Variants in PBX1 observed in about 807,000 individuals in gnomAD.
PBX1 encodes pre-B-cell leukemia transcription factor 1.
A neutral mutation model predicts 53.4 loss-of-function variants in PBX1; 6 were observed. That is an observed-to-expected ratio of 0.11 (90% confidence interval 0.06 to 0.22). The LOEUF (loss-of-function observed/expected upper bound fraction) is 0.22. Ranked by LOEUF, PBX1 falls within the 10% of genes least tolerant of loss-of-function variation. PBX1 has a pLI of 1.00. For synonymous variants in PBX1, 204 were observed against 212.3 expected (o/e 0.96, Z 0.34); for missense variants, 251 against 551.4 (o/e 0.46, Z 5.46).
intron 3 of PBX1, among the ~76,000 whole-genome samples, chr1:164,796,875 A>C (rs1668812653): frequency 6.6e-6 from 1 of 152,236 alleles, no homozygotes; most frequent in African/African-American, 2.4e-5. Context: ...TGTAACCCCA[A>C]GTATTCACAT....
downstream of PBX1, chr1:164,854,437 G>A (rs927765680): frequency 1.3e-5 from 2 of 152,116 alleles, no homozygotes; most frequent in African/African-American, 2.4e-5. Context: ...ATCCATTGTG[G>A]AGAAAGGCAC....
intron 8 of PBX1, among the ~76,000 whole-genome samples, chr1:164,823,793 T>C (rs935578623): frequency 6.6e-6 from 1 of 152,180 alleles, no homozygotes; most frequent in Non-Finnish European, 1.5e-5. Context: ...AATTTTTTTT[T>C]CCATGAACTG....
chr1:164,709,876 G>A (rs2102070039), intron 2 of PBX1, among the ~76,000 whole-genome samples: 1 of 152,278 alleles, frequency 6.6e-6, no homozygotes, highest in South Asian at 2.1e-4. Flanking sequence ...CCGGAGTGCT[G>A]TCTGCATCCA....
intron 2 of PBX1, among the ~76,000 whole-genome samples, chr1:164,883,421 C>T (rs1672707727): frequency 6.6e-6 from 1 of 152,112 alleles, no homozygotes; most frequent in East Asian, 1.9e-4. Flanking sequence ...TTATATCTTC[C>T]TTACACAAAA....
At chr1:164,688,851 G>T (rs184616128) in intron 2 of PBX1, among the ~76,000 whole-genome samples, 1 of 152,346 alleles carries the variant, frequency 6.6e-6, no homozygotes, top group East Asian at 1.9e-4. Flanking sequence ...CATGGAAACT[G>T]CTGTAATGCA....
chr1:164,647,960 G>A (rs976295339), intron 2 of PBX1, among the ~76,000 whole-genome samples: 4 of 152,142 alleles, frequency 2.6e-5, no homozygotes, highest in East Asian at 3.9e-4. Flanking sequence ...GACTACGGGC[G>A]CCCACCACTA....
chr1:164,576,396 G>A (rs2101726885), intron 2 of PBX1, among the ~76,000 whole-genome samples: 1 of 152,286 alleles, frequency 6.6e-6, no homozygotes, highest in South Asian at 2.1e-4. Flanking sequence ...TGCCCGGTCC[G>A]CCGGCGCGGC....
At chr1:164,748,528 G>A (rs924597001) in intron 2 of PBX1, among the ~76,000 whole-genome samples, 17 of 152,224 alleles carry the variant, frequency 1.1e-4, no homozygotes, top group African/African-American at 4.1e-4. Flanking sequence ...TAAATAATAC[G>A]TCATTAAAAG....
chr1:164,838,603 A>G (rs577053489), intron 8 of PBX1, among the ~76,000 whole-genome samples: 3 of 152,292 alleles, frequency 2.0e-5, no homozygotes, highest in South Asian at 4.1e-4. Flanking sequence ...GTCTTTTGAA[A>G]ATTGAAATGT....
At chr1:164,633,203 G>A (rs1658522594) in intron 2 of PBX1, among the ~76,000 whole-genome samples, 1 of 150,852 alleles carries the variant, frequency 6.6e-6, no homozygotes, top group African/African-American at 2.4e-5. Context: ...AAGCTGGAGT[G>A]CAGTGGCACA....
intron 2 of PBX1, among the ~76,000 whole-genome samples, chr1:164,707,676 A>G (rs1238954901): frequency 6.6e-6 from 1 of 152,136 alleles, no homozygotes; most frequent in Non-Finnish European, 1.5e-5. Context: ...AGGGAAAAGA[A>G]AAGGAAAGGA....
intron 2 of PBX1, among the ~76,000 whole-genome samples, chr1:164,575,617 A>C (rs926293171): frequency 6.7e-6 from 1 of 150,072 alleles, no homozygotes; most frequent in African/African-American, 2.5e-5. Context: ...ATCCCTAACA[A>C]AGAAAGACTC....
rs535605235 is a variant in PBX1 at position 164,876,454 on chromosome 1, G to C, written n.258-22734G>C. On this transcript the variant is annotated intron_variant and non_coding_transcript_variant, in intron 2 of 2. Transcript: ENST00000558796. ...CCAGCTTGAAGAGGGTAGTAAAAAG[G>C]CTCCCATGCAGGGATATTGAAAGGA... Among the ~76,000 whole-genome samples, 5 of 151,712 alleles carry C rather than the reference G, an allele frequency of 3.3e-5. No individual in the cohort carries two copies. In the South Asian group the frequency reaches 8.4e-4, roughly 26 times the overall value.
At chr1:164,744,929 T>C (rs986480318) in intron 2 of PBX1, among the ~76,000 whole-genome samples, 3 of 152,122 alleles carry the variant, frequency 2.0e-5, no homozygotes, top group African/African-American at 4.8e-5. Flanking sequence ...TCTTGGTTGA[T>C]TGCCCGTCAC....
intron 2 of PBX1, among the ~76,000 whole-genome samples, chr1:164,571,871 TTGTATA>T (rs1313274450): frequency 1.7e-5 from 1 of 59,962 alleles, no homozygotes; most frequent in African/African-American, 6.3e-5. Flanking sequence ...AATCTGTACA[TTGTATA>T]TATATATATA....
Position 164,697,806 on chromosome 1 carries a change from C to T in PBX1, c.266-94688C>T, listed in dbSNP as rs78187920. Among the ~76,000 whole-genome samples the T allele has an allele frequency of 6.4e-3, 978 of 152,250 alleles. 36 individuals carry two copies. In the South Asian group the frequency reaches 0.086, roughly 13 times the overall value. On this transcript the variant is annotated intron_variant, in intron 2 of 8. Coordinates refer to ENST00000420696, the MANE Select transcript of PBX1 (RefSeq NM_002585.4). ...AGCCTGATTGTGGTCTTCACATCAC[C>T]TCCCCCGACCAAAGAAAAGTCATAA...
rs1046476739 is a variant in PBX1, at chr1:164,849,532, C to G, written c.*2856C>G. On this transcript the variant is annotated 3_prime_UTR_variant, in exon 9 of 9. Coordinates refer to ENST00000420696, the MANE Select transcript of PBX1 (RefSeq NM_002585.4). Reference sequence around the variant, plus strand: ...CAGTCCTACAGAGAGCAAGATGCACCCCAGGATTTCTTCATTTTCTAATAG... The same window carrying G: ...CAGTCCTACAGAGAGCAAGATGCACGCCAGGATTTCTTCATTTTCTAATAG... The G allele has an allele frequency of 2.5e-5, 33 of 1,313,470 alleles. No individual in the cohort carries two copies. Among genetic ancestry groups the G allele is most frequent in the Non-Finnish European group, 3.1e-5 (30 of 973,982 alleles). 81.4% of individuals were successfully genotyped at this position (1,313,470 alleles called of 1,614,324 possible).
intron 2 of PBX1, among the ~76,000 whole-genome samples, chr1:164,660,762 G>A (rs1660441732): frequency 6.6e-6 from 1 of 152,116 alleles, no homozygotes; most frequent in Admixed American, 6.6e-5. Flanking sequence ...AACATAGGAT[G>A]ATTTTTTTTA....
chr1:164,589,241 A>G lies in PBX1; in HGVS notation c.265+25930A>G, dbSNP rs543249607. Among the ~76,000 whole-genome samples, 9 of 152,156 alleles carry G rather than the reference A, an allele frequency of 5.9e-5. No individual in the cohort carries two copies. In the South Asian group the frequency reaches 1.9e-3, roughly 32 times the overall value. On this transcript the variant is annotated intron_variant, in intron 2 of 8. Coordinates refer to ENST00000420696, the MANE Select transcript of PBX1 (RefSeq NM_002585.4). The stretch of plus-strand genomic sequence containing the variant: ...AAGGAGGAGGGGGGCGCGGCTGAGA[A>G]AGGATTTTTGTTTAAGTTTCTGCAG...
Sources: allele counts gnomAD v4.1 joint callset (sites outside exome capture counted in the v4.1 genomes callset), GRCh38; gene constraint gnomAD v4.1.1; transcripts MANE v1.5; gene names NCBI Gene and HGNC (gene_info 2026-07-23, HGNC 2026-07-21).